GOLGA4: variants seen among roughly 807,000 people sequenced by gnomAD.
GOLGA4 encodes golgin A4.
A neutral mutation model predicts 265.9 loss-of-function variants in GOLGA4; 169 were observed. The ratio of observed to expected loss-of-function variants is 0.64; its 90% confidence interval spans 0.56 to 0.72. The LOEUF (loss-of-function observed/expected upper bound fraction) is 0.72, where lower values mean the gene tolerates loss of function less well. Among genes scored for constraint, GOLGA4 ranks in the 30% least tolerant of loss-of-function variants. The pLI is 0.00. For synonymous variants in GOLGA4, 923 were observed against 855.8 expected, an observed-to-expected ratio of 1.08 and a Z score of -1.37; for missense variants, 2,482 against 2,483.4, an observed-to-expected ratio of 1.00 and a Z score of 0.01.
intron 20 of GOLGA4, 88 bp from the exon 21 acceptor site, chr3:37,347,105 T>C (rs2097058950): frequency 5.4e-6 from 4 of 735,988 alleles, no homozygotes; most frequent in East Asian, 2.6e-5. Context: ...CTTTGTTCCA[T>C]TGGTTGTTTT....
intron 17 of GOLGA4, among the ~76,000 whole-genome samples, chr3:37,335,687 A>G (rs1213654869): frequency 1.3e-5 from 2 of 152,074 alleles, no homozygotes; most frequent in Non-Finnish European, 2.9e-5. Context: ...AGATGCAAAT[A>G]CAATGCAATG....
chr3:37,308,558 C>T lies in GOLGA4; in HGVS notation c.1234+6226C>T, dbSNP rs182309778. Among the ~76,000 whole-genome samples, 71 of 151,238 alleles carry T rather than the reference C, an allele frequency of 4.7e-4. 2 individuals carry two copies. The East Asian group carries it at 0.013, about 28-fold the overall frequency. Reference sequence around the variant, plus strand: ...AAAACTTATTGGTGATTCCAAAGAGCTTTATTTATGTGGGTTATATGTATT... The same window carrying T: ...AAAACTTATTGGTGATTCCAAAGAGTTTTATTTATGTGGGTTATATGTATT... On this transcript the variant is annotated intron_variant, in intron 10 of 23. Coordinates refer to ENST00000361924, the MANE Select transcript of GOLGA4 (RefSeq NM_002078.5).
intron 10 of GOLGA4, among the ~76,000 whole-genome samples, chr3:37,310,986 A>T (rs1376079709): frequency 6.6e-6 from 1 of 152,176 alleles, no homozygotes; most frequent in East Asian, 1.9e-4. Flanking sequence ...AGACATTTTG[A>T]ACATACTTTT....
At chr3:37,289,525 A>G (rs1467195052) in intron 5 of GOLGA4, among the ~76,000 whole-genome samples, 2 of 152,240 alleles carry the variant, frequency 1.3e-5, no homozygotes, top group African/African-American at 4.8e-5. Context: ...AATTGTCTGC[A>G]TGAACAGTCA....
chr3:37,265,472 A>C (rs1282892776), intron 2 of GOLGA4, among the ~76,000 whole-genome samples: 1 of 152,182 alleles, frequency 6.6e-6, no homozygotes, highest in African/African-American at 2.4e-5. Flanking sequence ...CTATTTTTTG[A>C]ATATGTAAAA....
In GOLGA4 at chr3:37,355,308, C is replaced by A. The variant is rs548769713; in HGVS notation, c.6663+121C>A. ...TTAAGATTTCAAATCTTTATTATAT[C>A]ACAGCCTGAAAAATGAGAGTGAATT... On this transcript the variant is annotated intron_variant, in intron 22 of 23. Coordinates refer to ENST00000361924, the MANE Select transcript of GOLGA4 (RefSeq NM_002078.5). The A allele has an allele frequency of 1.5e-4, 89 of 607,798 alleles. No homozygotes were observed. The East Asian group carries it at 2.6e-3, about 18-fold the overall frequency. The allele number at this position is 607,798 out of a possible 1,614,324, so 37.7% of individuals were successfully genotyped here. A position where few individuals can be genotyped will look rare whatever the true frequency, so the allele number is the denominator to read the frequency against.
intron 3 of GOLGA4, among the ~76,000 whole-genome samples, chr3:37,284,658 T>C (rs2096843504): frequency 6.6e-6 from 1 of 150,632 alleles, no homozygotes; most frequent in South Asian, 2.1e-4. Flanking sequence ...TCACCTTCCA[T>C]TGCTGCTTTT....
intron 5 of GOLGA4, among the ~76,000 whole-genome samples, chr3:37,290,821 GGGTATC>G (rs1285152697): frequency 6.6e-6 from 1 of 152,060 alleles, no homozygotes; most frequent in Non-Finnish European, 1.5e-5. Context: ...ATGATAGCTA[GGGTATC>G]CTCTTTTGTT....
chr3:37,280,601 A>G (rs568364157), intron 2 of GOLGA4, among the ~76,000 whole-genome samples: 21 of 152,344 alleles, frequency 1.4e-4, no homozygotes, highest in Non-Finnish European at 2.9e-4. Context: ...TGAGTTCACA[A>G]TATACATATT....
intron 15 of GOLGA4, 39 bp downstream of exon 15, chr3:37,328,576 G>A (rs1323951038): frequency 1.3e-6 from 2 of 1,552,958 alleles, no homozygotes; most frequent in South Asian, 1.2e-5. Context: ...AATTATATCA[G>A]CAGAGGCTAT....
intron 11 of GOLGA4, among the ~76,000 whole-genome samples, chr3:37,316,183 C>T (rs996754245): frequency 6.7e-6 from 1 of 148,594 alleles, no homozygotes; most frequent in Non-Finnish European, 1.5e-5. Context: ...CTTCCTTCCT[C>T]ACCCATTTTT....
At chr3:37,287,677 T>C (rs972386956) in intron 4 of GOLGA4, 1 of 152,262 alleles carries the variant, frequency 6.6e-6, no homozygotes. Context: ...TTATAACTAC[T>C]GCACTACAGT....
chr3:37,336,718 G>A (rs192190004), intron 17 of GOLGA4, among the ~76,000 whole-genome samples: 24 of 152,034 alleles, frequency 1.6e-4, no homozygotes, highest in African/African-American at 5.8e-4. Context: ...GCAGTGAGCC[G>A]AGATCGTGCC....
chr3:37,319,402 CT>C, intron 12 of GOLGA4: 35 of 321,574 alleles, frequency 1.1e-4, no homozygotes, highest in East Asian at 2.8e-4. Flanking sequence ...AACACACTTT[CT>C]TTTTTTTATG....
chr3:37,361,363 A>G lies in GOLGA4; in HGVS notation c.*33+58A>G, dbSNP rs1255965581. 4 of 1,158,212 alleles carry G rather than the reference A, an allele frequency of 3.5e-6. No individual in the cohort carries two copies. In the East Asian group the frequency reaches 9.4e-5, roughly 27 times the overall value. The allele number at this position is 1,158,212 out of a possible 1,614,324, so 71.7% of individuals were successfully genotyped here. On this transcript the variant is annotated intron_variant, in intron 23 of 23. Coordinates refer to ENST00000361924, the MANE Select transcript of GOLGA4 (RefSeq NM_002078.5). Reference sequence around the variant, plus strand: ...GCAAAAATCAAATGTGTTGCCTGATACTAACCATTTTGCTGGAATTCTTTT... The same window carrying G: ...GCAAAAATCAAATGTGTTGCCTGATGCTAACCATTTTGCTGGAATTCTTTT...
chr3:37,278,884 C>T (rs1192140862), intron 2 of GOLGA4, among the ~76,000 whole-genome samples: 2 of 150,678 alleles, frequency 1.3e-5, no homozygotes, highest in Non-Finnish European at 2.9e-5. Context: ...GCAGTCATAG[C>T]TTACTGCAGC....
intron 3 of GOLGA4, among the ~76,000 whole-genome samples, chr3:37,283,230 T>C (rs1412624598): frequency 2.0e-5 from 3 of 152,172 alleles, no homozygotes; most frequent in African/African-American, 2.4e-5. Flanking sequence ...TGTGAAGTGC[T>C]GACAAAATAG....
rs1189497744 is a variant in GOLGA4 at position 37,325,253 on chromosome 3, A to G, written c.3367A>G (p.Asn1123Asp). 1 of 1,613,248 alleles carries G rather than the reference A, an allele frequency of 6.2e-7. No individual in the cohort carries two copies. The highest frequency in any genetic ancestry group is 1.7e-5 in the Admixed American group (1 of 59,918). Residue 1123 changes from asparagine (N) to aspartate (D), a missense_variant, in exon 14 of 24, where the codon AAT (asparagine) becomes GAT (aspartate). By Grantham distance (23) the Asn-to-Asp change is conservative (BLOSUM62 1). This residue lies in a region of GOLGA4 where 1,536 missense variants were observed against 1,483.7 expected (regional missense o/e 1.04). Transcript: ENST00000361924. The stretch of plus-strand genomic sequence containing the variant: ...GTTAAAGCAGAAGTCTGCCCATGTG[A>G]ATTCTCTTGCACAAGATGAAACTAA... ...EQLKQKSAHV[N>D]SLAQDETKLK...
intron 10 of GOLGA4, among the ~76,000 whole-genome samples, chr3:37,305,041 C>G (rs2096902465): frequency 6.6e-6 from 1 of 152,042 alleles, no homozygotes; most frequent in South Asian, 2.1e-4. Context: ...GCCTCAGGCT[C>G]CTGAGTAGCT....
Sources: gnomAD v4.1 joint callset for allele counts (sites outside exome capture counted in the v4.1 genomes callset) on GRCh38, gnomAD v4.1.1 for gene constraint, gnomAD v4.1.1 regional missense constraint, MANE v1.5 for transcripts, NCBI Gene and HGNC (gene_info 2026-07-23, HGNC 2026-07-21) for gene names.